The following AK8 variants were observed in gnomAD, a reference collection of about 807,000 sequenced individuals.
AK8 encodes adenylate kinase 8.
AK8 carries 44 observed loss-of-function variants against 54.6 expected under a neutral mutation model. The observed-to-expected ratio is 0.81, with a 90% CI of 0.63 to 1.04. The LOEUF (loss-of-function observed/expected upper bound fraction) is 1.04, where lower values mean the gene tolerates loss of function less well. AK8 is among the 50% of genes least tolerant of loss of function. The pLI is 0.00. For missense variants in AK8, 555 were observed against 613.6 expected (o/e 0.90, Z 1.01); for synonymous variants, 239 against 245.6 (o/e 0.97, Z 0.25).
In AK8 at chr9:132,725,795, G is replaced by A. The variant is rs1000821141; in HGVS notation, c.1333C>T (p.Gln445Ter). 4.4e-6 allele frequency: 7 copies of A among 1,605,068 alleles called. No individual in the cohort carries two copies. Among genetic ancestry groups the A allele is most frequent in the Non-Finnish European group, 6.0e-6 (7 of 1,176,018 alleles). Residue 445 changes from glutamine to a stop codon, truncating the protein, a stop_gained, in exon 13 of 13, where the codon CAG (glutamine) becomes TAG (stop). Coordinates refer to ENST00000298545, the MANE Select transcript of AK8 (RefSeq NM_152572.3). LOFTEE classifies it high-confidence loss of function. Reference protein sequence around the residue: ...LFYRNSADLEQLYGSAITLNG... With the variant: ...LFYRNSADLE ...AGGGTGATGGCCGACCCATACAACT[G>A]CTCCAAGTCAGCTGAGTTCCTGTAG...
chr9:132,818,909 A>C (rs1402718044), intron 9 of AK8, among the ~76,000 whole-genome samples: 1 of 152,230 alleles, frequency 6.6e-6, no homozygotes, highest in Non-Finnish European at 1.5e-5. Context: ...TTAGACTATA[A>C]GACACAGATA....
intron 11 of AK8, among the ~76,000 whole-genome samples, chr9:132,747,243 C>T (rs183321953): frequency 9.2e-5 from 14 of 152,046 alleles, no homozygotes; most frequent in Admixed American, 2.0e-4. Flanking sequence ...TGGGTTCAAG[C>T]GATTCTCCTG....
chr9:132,727,437 A>G lies in AK8; in HGVS notation c.1202+17T>C. On this transcript the variant is annotated intron_variant, in intron 12 of 12. Coordinates refer to ENST00000298545, the MANE Select transcript of AK8 (RefSeq NM_152572.3). Reference sequence around the variant, plus strand: ...GGCAGTCCCCAGACTGCCAACCACCAGGAACACAGCACAAACCTTTCCCCA... The same window carrying G: ...GGCAGTCCCCAGACTGCCAACCACCGGGAACACAGCACAAACCTTTCCCCA... 6.2e-7 allele frequency: 1 copy of G among 1,613,716 alleles called. No individual in the cohort carries two copies. Among genetic ancestry groups the G allele is most frequent in the Non-Finnish European group, 8.5e-7 (1 of 1,179,614 alleles).
At chr9:132,776,077 C>T (rs1314183528) in intron 11 of AK8, among the ~76,000 whole-genome samples, 2 of 152,206 alleles carry the variant, frequency 1.3e-5, no homozygotes, top group African/African-American at 4.8e-5. Flanking sequence ...ACTGGACTGC[C>T]TCTTACACAA....
chr9:132,821,183 G>A (rs139935138), intron 9 of AK8, among the ~76,000 whole-genome samples: 41 of 150,874 alleles, frequency 2.7e-4, no homozygotes, highest in African/African-American at 8.8e-4. Flanking sequence ...ACAGAGCACC[G>A]AGACAATTAT....
intron 11 of AK8, among the ~76,000 whole-genome samples, chr9:132,737,811 C>T (rs1244665898): frequency 6.6e-6 from 1 of 152,192 alleles, no homozygotes; most frequent in East Asian, 1.9e-4. Flanking sequence ...AAATTGAGAA[C>T]AAGGCAAGAA....
At chr9:132,878,365 C>A, upstream of AK8, 2 of 1,252,698 alleles carry the variant, frequency 1.6e-6, no homozygotes, top group South Asian at 3.7e-5. The surrounding 1 kb of genome is among the most constrained non-coding windows in gnomAD (Gnocchi z 4.7). Flanking sequence ...GCGCCGGGCC[C>A]AGATACCCGA....
At chr9:132,859,205 T>C (rs1025398093) in intron 4 of AK8, among the ~76,000 whole-genome samples, 3 of 152,122 alleles carry the variant, frequency 2.0e-5, no homozygotes, top group Admixed American at 1.3e-4. Flanking sequence ...TCAGAACTAC[T>C]TGGAGGGGAC....
At chr9:132,768,991 A>G (rs1412888164) in intron 11 of AK8, 3 of 150,746 alleles carry the variant, frequency 2.0e-5, no homozygotes, top group Admixed American at 2.0e-4. Context: ...TCTATTTATT[A>G]GAGTGAGTGC....
chr9:132,805,587 C>T (rs762578754), intron 10 of AK8, among the ~76,000 whole-genome samples: 13 of 152,150 alleles, frequency 8.5e-5, no homozygotes, highest in East Asian at 1.9e-4. Context: ...ATTTTCATAC[C>T]GGAGAAAGAC....
At chr9:132,836,190 G>A (rs1842315639) in intron 5 of AK8, among the ~76,000 whole-genome samples, 1 of 152,200 alleles carries the variant, frequency 6.6e-6, no homozygotes, top group Non-Finnish European at 1.5e-5. Context: ...TTGGGAGGCT[G>A]AGGTGGAAGG....
chr9:132,869,544 G>C (rs2131431829), intron 2 of AK8, among the ~76,000 whole-genome samples: 1 of 152,330 alleles, frequency 6.6e-6, no homozygotes, highest in Middle Eastern at 3.4e-3. Context: ...AGCCCTGACT[G>C]TCATGGAAGC....
At chr9:132,737,124 G>A (rs1837159355) in intron 11 of AK8, among the ~76,000 whole-genome samples, 1 of 151,940 alleles carries the variant, frequency 6.6e-6, no homozygotes, top group South Asian at 2.1e-4. Context: ...GGTCAAAATA[G>A]TAAACTTTAT....
At position 132,809,464 on chromosome 9, in the gene AK8, G is replaced by A. The variant is rs73661817; in HGVS notation, c.979+5174C>T. Among the ~76,000 whole-genome samples, 1,421 of 152,192 alleles carry A rather than the reference G, an allele frequency of 9.3e-3. 21 individuals carry two copies. The highest frequency in any genetic ancestry group is 0.032 in the African/African-American group (1,321 of 41,510). ...GTCCCTCCGGCTCTCCCATCCTCCC[G>A]CTGGCAGGCACTGGCCCACAGTGCA... On this transcript the variant is annotated intron_variant, in intron 10 of 12. Coordinates refer to ENST00000298545, the MANE Select transcript of AK8 (RefSeq NM_152572.3).
At chr9:132,727,719 T>G in intron 11 of AK8, 185 bp from the exon 12 acceptor site, 2 of 481,384 alleles carry the variant, frequency 4.2e-6, no homozygotes, top group Non-Finnish European at 7.3e-6. Flanking sequence ...CCAGAGCCTG[T>G]GTCCCCCCAA....
chr9:132,741,819 C>T (rs950673734), intron 11 of AK8, among the ~76,000 whole-genome samples: 2 of 152,158 alleles, frequency 1.3e-5, no homozygotes, highest in Non-Finnish European at 2.9e-5. Context: ...TTCCCCAGCT[C>T]CCAGCCCTAA....
At chr9:132,855,012 C>T (rs1227539415) in intron 4 of AK8, 87 bp from the exon 5 acceptor site, 4 of 1,422,926 alleles carry the variant, frequency 2.8e-6, no homozygotes, top group South Asian at 1.2e-5. Flanking sequence ...TTCACCAACG[C>T]CCTGGCCTCT....
At chr9:132,873,447 G>C (rs60417150) in intron 2 of AK8, among the ~76,000 whole-genome samples, 1 of 152,156 alleles carries the variant, frequency 6.6e-6, no homozygotes, top group South Asian at 2.1e-4. Flanking sequence ...GTGGGGGGGT[G>C]GCAGGACAGA....
intron 11 of AK8, among the ~76,000 whole-genome samples, chr9:132,735,259 C>T (rs1361727999): frequency 6.6e-6 from 1 of 152,202 alleles, no homozygotes; most frequent in Non-Finnish European, 1.5e-5. Flanking sequence ...GTTTGAAGAA[C>T]ACAGGAAGCC....
Sources: allele counts gnomAD v4.1 joint callset (sites outside exome capture counted in the v4.1 genomes callset), GRCh38; gene constraint gnomAD v4.1.1; non-coding constraint Gnocchi (gnomAD v3.1); transcripts MANE v1.5; gene names NCBI Gene and HGNC (gene_info 2026-07-23, HGNC 2026-07-21).